The following RBFOX1 variants were observed in gnomAD, a reference collection of about 807,000 sequenced individuals.
RBFOX1 encodes RNA binding protein fox-1 homolog 1.
Under a neutral mutation model 57.7 loss-of-function variants are expected in RBFOX1, and 8 were observed. That is an observed-to-expected ratio of 0.14 (90% CI 0.08 to 0.25). The LOEUF is 0.25. Ranked by LOEUF, RBFOX1 falls within the 10% of genes least tolerant of loss-of-function variation. RBFOX1 has a pLI of 1.00. For missense variants in RBFOX1, 611 were observed against 548.5 expected (o/e 1.11, Z -1.14); for synonymous variants, 326 against 222.4 (o/e 1.47, Z -4.15).
At chr16:6,050,808 G>C (rs2046352883) in intron 1 of RBFOX1, among the ~76,000 whole-genome samples, 1 of 151,722 alleles carries the variant, frequency 6.6e-6, no homozygotes, top group South Asian at 2.1e-4. Flanking sequence ...AAATATATGA[G>C]CTTGTTTATT....
intron 1 of RBFOX1, among the ~76,000 whole-genome samples, chr16:6,110,557 C>T (rs1222385963): frequency 1.3e-5 from 2 of 152,108 alleles, no homozygotes; most frequent in African/African-American, 2.4e-5. Flanking sequence ...TTTCAAAAAA[C>T]AAAACCCTCC....
At chr16:7,551,036 G>A (rs2086257934) in intron 5 of RBFOX1, among the ~76,000 whole-genome samples, 1 of 147,568 alleles carries the variant, frequency 6.8e-6, no homozygotes, top group African/African-American at 2.5e-5. Flanking sequence ...GGAGGTTGCA[G>A]TGAGCTGAGA....
intron 1 of RBFOX1, among the ~76,000 whole-genome samples, chr16:6,137,630 T>C (rs1241201716): frequency 8.6e-6 from 1 of 116,238 alleles, no homozygotes; most frequent in East Asian, 2.0e-4. Flanking sequence ...TTTTTTTTTT[T>C]TTTGACAGGG....
At chr16:5,834,077 C>T (rs1567603308) in intron 3 of RBFOX1, among the ~76,000 whole-genome samples, 1 of 152,146 alleles carries the variant, frequency 6.6e-6, no homozygotes, top group East Asian at 1.9e-4. Context: ...TTTAGGTAGG[C>T]TTAGTTGCAG....
intron 2 of RBFOX1, among the ~76,000 whole-genome samples, chr16:6,496,660 TA>T (rs753838156): frequency 5.3e-5 from 8 of 152,236 alleles, no homozygotes; most frequent in Non-Finnish European, 1.2e-4. Flanking sequence ...ACATCACAGC[TA>T]AATTACAGCG....
At chr16:7,281,000 C>T (rs2095532970) in intron 4 of RBFOX1, among the ~76,000 whole-genome samples, 1 of 122,460 alleles carries the variant, frequency 8.2e-6, no homozygotes, top group South Asian at 3.9e-4. Flanking sequence ...TCCTTCCTTC[C>T]TTCCTTCCTT....
intron 1 of RBFOX1, among the ~76,000 whole-genome samples, chr16:6,302,439 G>C (rs1054830380): frequency 6.6e-6 from 1 of 152,068 alleles, no homozygotes; most frequent in Non-Finnish European, 1.5e-5. Flanking sequence ...TTGTCTTCTG[G>C]AATTCACTGG....
At chr16:6,887,062 T>C (rs1015744583) in intron 3 of RBFOX1, among the ~76,000 whole-genome samples, 3 of 152,326 alleles carry the variant, frequency 2.0e-5, no homozygotes. Context: ...GGTTGTATTG[T>C]CCAAGTTGGA....
At chr16:7,394,183 C>G (rs2098097404) in intron 4 of RBFOX1, among the ~76,000 whole-genome samples, 1 of 128,186 alleles carries the variant, frequency 7.8e-6, no homozygotes, top group South Asian at 2.5e-4. Context: ...TTGTAGTGAG[C>G]CAAGATCGTG....
chr16:7,541,987 C>T lies in RBFOX1; in HGVS notation c.270+23598C>T, dbSNP rs2346947. 9.2e-3 allele frequency among the ~76,000 whole-genome samples: 1,405 copies of T among 152,276 alleles called. 28 individuals carry two copies. The highest frequency in any genetic ancestry group is 0.032 in the African/African-American group (1,339 of 41,554). On this transcript the variant is annotated intron_variant, in intron 5 of 15. Coordinates refer to ENST00000550418, the MANE Select transcript of RBFOX1 (RefSeq NM_018723.4). ...CTTCAGCTTGACATTAGAGAGATGGCCTTGGCCGGCAGCTGAGGTTTTCCT... is the reference window on the plus strand; with the variant it reads ...CTTCAGCTTGACATTAGAGAGATGGTCTTGGCCGGCAGCTGAGGTTTTCCT...
intron 5 of RBFOX1, among the ~76,000 whole-genome samples, chr16:7,578,462 A>T (rs929664775): frequency 6.6e-6 from 1 of 152,198 alleles, no homozygotes; most frequent in Non-Finnish European, 1.5e-5. Context: ...TTAGGAAGGA[A>T]AATGCAAATG....
intron 1 of RBFOX1, among the ~76,000 whole-genome samples, chr16:5,340,552 A>T (rs1186514082): frequency 6.6e-6 from 1 of 152,174 alleles, no homozygotes; most frequent in African/African-American, 2.4e-5. Context: ...TAAAGAACAC[A>T]TTCATGGAGC....
rs565734608 is a variant in RBFOX1, at chr16:5,396,915, A to T, written c.220-70301A>T. Among the ~76,000 whole-genome samples, 8 of 152,316 alleles carry T rather than the reference A, an allele frequency of 5.3e-5. No individual in the cohort carries two copies. In the East Asian group the frequency reaches 1.5e-3, roughly 29 times the overall value. On this transcript the variant is annotated intron_variant, in intron 1 of 2. Transcript: ENST00000585867. ...CAGCTGGAGGGGAATTTGGAGATCC[A>T]CCTTGTCCAGAATCCTATCAGACAC...
intron 4 of RBFOX1, among the ~76,000 whole-genome samples, chr16:7,086,275 C>A (rs1056601773): frequency 6.6e-6 from 1 of 152,044 alleles, no homozygotes; most frequent in Non-Finnish European, 1.5e-5. Flanking sequence ...ACAAGGGGCT[C>A]GGTTAAGCAG....
At chr16:5,968,866 C>T (rs532522941) in intron 4 of RBFOX1, among the ~76,000 whole-genome samples, 5 of 152,124 alleles carry the variant, frequency 3.3e-5, no homozygotes, top group Admixed American at 6.5e-5. Flanking sequence ...AAATGTGCTA[C>T]GTACTCTTGA....
intron 3 of RBFOX1, among the ~76,000 whole-genome samples, chr16:6,874,205 C>T (rs1015767400): frequency 6.6e-6 from 1 of 152,024 alleles, no homozygotes; most frequent in Non-Finnish European, 1.5e-5. Flanking sequence ...ACATGCTACT[C>T]AGCCATAAAA....
intron 1 of RBFOX1, among the ~76,000 whole-genome samples, chr16:5,249,185 G>A (rs2062382060): frequency 6.6e-6 from 1 of 152,108 alleles, no homozygotes. Context: ...CCTTTTCCTT[G>A]TGTTCAGGCT....
chr16:5,811,392 C>T (rs2055426040), intron 3 of RBFOX1, among the ~76,000 whole-genome samples: 1 of 151,878 alleles, frequency 6.6e-6, no homozygotes, highest in Non-Finnish European at 1.5e-5. Context: ...ATCCGCCTGC[C>T]TCGGCCTCTC....
At chr16:5,955,667 C>G (rs2059623695) in intron 4 of RBFOX1, among the ~76,000 whole-genome samples, 1 of 152,098 alleles carries the variant, frequency 6.6e-6, no homozygotes, top group African/African-American at 2.4e-5. Context: ...AACTGATAGA[C>G]TTCACCACAT....
Sources: gnomAD v4.1 joint callset for allele counts (sites outside exome capture counted in the v4.1 genomes callset) on GRCh38, gnomAD v4.1.1 for gene constraint, MANE v1.5 for transcripts, NCBI Gene and HGNC (gene_info 2026-07-23, HGNC 2026-07-21) for gene names.